The following UGT1A9 variants were observed in gnomAD, a reference collection of about 807,000 sequenced individuals.
UGT1A9 encodes UDP glucuronosyltransferase family 1 member A9.
Under a neutral mutation model 45.0 loss-of-function variants are expected in UGT1A9, and 35 were observed. The ratio of observed to expected loss-of-function variants is 0.78; its 90% CI spans 0.59 to 1.03. UGT1A9 has a LOEUF of 1.03. Ranked by LOEUF, UGT1A9 falls within the 50% of genes least tolerant of loss-of-function variation. The probability of loss-of-function intolerance (pLI) is 0.00; values close to 1 mark genes in which losing one functional copy is unlikely to be tolerated. For missense variants in UGT1A9, 687 were observed against 666.6 expected (o/e 1.03, Z -0.34); for synonymous variants, 278 against 250.6 (o/e 1.11, Z -1.03).
rs964213148 is a variant in UGT1A9, at chr2:233,713,486, G to A, written c.855+40697G>A. The A allele has an allele frequency of 3.1e-6, 5 of 1,613,870 alleles. No individual in the cohort carries two copies. The Admixed American group carries it at 8.3e-5, about 27-fold the overall frequency. On this transcript the variant is annotated intron_variant, in intron 1 of 4. Coordinates refer to ENST00000354728, the MANE Select transcript of UGT1A9 (RefSeq NM_021027.3). ...GCGCGGCGGTGCTGGCTAAGTACCT[G>A]TCGATTCCTGCTGTGTTTTTCTTGA...
chr2:233,761,152 G>A lies in UGT1A9; in HGVS notation c.856-5882G>A, dbSNP rs587776764. On this transcript the variant is annotated intron_variant, in intron 1 of 4. Transcript: ENST00000354728. Reference sequence around the variant, plus strand: ...CCTTCACCAAAATCCACTATCCCAGGTGTGTATTGGAGTGGGACTTTTACA... The same window carrying A: ...CCTTCACCAAAATCCACTATCCCAGATGTGTATTGGAGTGGGACTTTTACA... The A allele has an allele frequency of 1.2e-6, 2 of 1,614,084 alleles. No individual in the cohort carries two copies. Among genetic ancestry groups the A allele is most frequent in the South Asian group, 2.2e-5 (2 of 91,086 alleles).
At chr2:233,736,391 T>G (rs923297750) in intron 1 of UGT1A9, among the ~76,000 whole-genome samples, 3 of 152,222 alleles carry the variant, frequency 2.0e-5, no homozygotes, top group African/African-American at 7.2e-5. Flanking sequence ...CTACAGTGTT[T>G]ATTCTAGTTA....
chr2:233,757,465 C>G (rs1305238385), intron 1 of UGT1A9, among the ~76,000 whole-genome samples: 7 of 149,236 alleles, frequency 4.7e-5, no homozygotes, highest in Non-Finnish European at 5.9e-5. Flanking sequence ...AGAGCGCTTA[C>G]TGTCTCCAAA....
rs797046090 is a variant in UGT1A9, at chr2:233,760,524, C to CCGTA, written c.856-6509_856-6508insGTAC. ...GAGCATTTTACACCTTGAAGACGTA[C>CCGTA]CCTGTGCCATTCCAAAGGGAGGATG... On this transcript the variant is annotated intron_variant, in intron 1 of 4. Coordinates refer to ENST00000354728, the MANE Select transcript of UGT1A9 (RefSeq NM_021027.3). The CCGTA allele has an allele frequency of 6.2e-7, 1 of 1,614,240 alleles. No homozygotes were observed. The highest frequency in any genetic ancestry group is 1.6e-4 in the Middle Eastern group (1 of 6,062).
At chr2:233,727,361 G>A (rs2077609181) in intron 1 of UGT1A9, among the ~76,000 whole-genome samples, 1 of 152,128 alleles carries the variant, frequency 6.6e-6, no homozygotes, top group Admixed American at 6.5e-5. Flanking sequence ...TATCCTTAGG[G>A]CCCCTAGGTC....
chr2:233,702,653 G>A (rs746758622), intron 1 of UGT1A9, among the ~76,000 whole-genome samples: 35 of 152,040 alleles, frequency 2.3e-4, no homozygotes, highest in Non-Finnish European at 4.7e-4. Flanking sequence ...TTCCTAGCTC[G>A]TTGAGTATTC....
rs766039492 is a variant in UGT1A9, at chr2:233,760,243, T to C, written c.856-6791T>C. The C allele has an allele frequency of 1.9e-6, 3 of 1,608,014 alleles. No homozygotes were observed. In the Admixed American group the frequency reaches 5.0e-5, roughly 27 times the overall value. ...TCGATTGGTTTTTGCCATATATATATATATAAGTAGGAGAGGGCGAACCTC... is the reference window on the plus strand; with the variant it reads ...TCGATTGGTTTTTGCCATATATATACATATAAGTAGGAGAGGGCGAACCTC... On this transcript the variant is annotated intron_variant, in intron 1 of 4. Coordinates refer to ENST00000354728, the MANE Select transcript of UGT1A9 (RefSeq NM_021027.3).
intron 1 of UGT1A9, among the ~76,000 whole-genome samples, chr2:233,681,132 G>A (rs776169947): frequency 5.3e-5 from 8 of 151,772 alleles, no homozygotes; most frequent in Non-Finnish European, 1.2e-4. Flanking sequence ...AGACACAGGT[G>A]AGCCGCAATT....
chr2:233,761,161 G>A lies in UGT1A9; in HGVS notation c.856-5873G>A, dbSNP rs1276914496. ...AAATCCACTATCCCAGGTGTGTATT[G>A]GAGTGGGACTTTTACATGCGTATAT... is the stretch of plus-strand genomic sequence containing the variant. On this transcript the variant is annotated intron_variant, in intron 1 of 4. Transcript: ENST00000354728. The A allele has an allele frequency of 6.2e-7, 1 of 1,614,176 alleles. No homozygotes were observed. The highest frequency in any genetic ancestry group is 1.7e-5 in the Admixed American group (1 of 60,028).
chr2:233,707,715 G>T (rs1206424873), intron 1 of UGT1A9, among the ~76,000 whole-genome samples: 1 of 152,082 alleles, frequency 6.6e-6, no homozygotes, highest in Non-Finnish European at 1.5e-5. Context: ...TCACTACTGT[G>T]AACAATGTTA....
intron 1 of UGT1A9, chr2:233,747,172 C>G: frequency 6.3e-7 from 1 of 1,596,738 alleles, no homozygotes. Flanking sequence ...GTAGGAGGCA[C>G]AGCGTGGGGT....
intron 1 of UGT1A9, among the ~76,000 whole-genome samples, chr2:233,761,716 C>T (rs1291431022): frequency 6.6e-6 from 1 of 152,198 alleles, no homozygotes; most frequent in Non-Finnish European, 1.5e-5. Flanking sequence ...CATTCTCAAG[C>T]TATTAGGTTT....
chr2:233,725,862 C>A (rs1291459047), intron 1 of UGT1A9, among the ~76,000 whole-genome samples: 1 of 152,150 alleles, frequency 6.6e-6, no homozygotes, highest in African/African-American at 2.4e-5. Context: ...TTCCCCATCT[C>A]TTTTAATTTG....
Position 233,738,670 on chromosome 2 carries a change from T to C in UGT1A9, c.856-28364T>C, listed in dbSNP as rs377285735. 5.3e-5 allele frequency among the ~76,000 whole-genome samples: 8 copies of C among 152,304 alleles called. No homozygotes were observed. The East Asian group carries it at 7.7e-4, about 15-fold the overall frequency. On this transcript the variant is annotated intron_variant, in intron 1 of 4. Transcript: ENST00000354728. ...TTTGGAACTACGAACTTGAGAGAGA[T>C]GATCTGAAATTGGAACTTATGTTTA...
At chr2:233,740,898 G>T (rs1431313785) in intron 1 of UGT1A9, 2 of 148,128 alleles carry the variant, frequency 1.4e-5, no homozygotes, top group Non-Finnish European at 3.0e-5. Context: ...CAACATAGTA[G>T]GTCAACATTG....
chr2:233,743,079 G>C, intron 1 of UGT1A9: 3 of 345,058 alleles, frequency 8.7e-6, no homozygotes, highest in South Asian at 6.9e-5. Flanking sequence ...TTGGCATGAA[G>C]TGTTTATAAA....
At chr2:233,748,181 CT>C in intron 1 of UGT1A9, 1 of 1,573,702 alleles carries the variant, frequency 6.4e-7, no homozygotes, top group Non-Finnish European at 8.6e-7. Context: ...CTTTCTGGTG[CT>C]TTTATTTCTG....
At chr2:233,680,546 A>G (rs1332779214) in intron 1 of UGT1A9, among the ~76,000 whole-genome samples, 1 of 152,112 alleles carries the variant, frequency 6.6e-6, no homozygotes, top group East Asian at 1.9e-4. Flanking sequence ...TCCCTCACGA[A>G]ATGCTCCTCA....
At chr2:233,727,747 T>A (rs1157113585) in intron 1 of UGT1A9, among the ~76,000 whole-genome samples, 1 of 152,214 alleles carries the variant, frequency 6.6e-6, no homozygotes, top group Non-Finnish European at 1.5e-5. Flanking sequence ...ATCCTGCGTG[T>A]GCTGCCCTTG....
Sources: gnomAD v4.1 joint callset for allele counts (sites outside exome capture counted in the v4.1 genomes callset) on GRCh38, gnomAD v4.1.1 for gene constraint, MANE v1.5 for transcripts, NCBI Gene and HGNC (gene_info 2026-07-23, HGNC 2026-07-21) for gene names.